SGCZ: variants seen among roughly 807,000 people sequenced by gnomAD.
SGCZ encodes sarcoglycan zeta.
A neutral mutation model predicts 41.3 loss-of-function variants in SGCZ; 40 were observed. The observed-to-expected ratio is 0.97, with a 90% CI of 0.75 to 1.26. The LOEUF (loss-of-function observed/expected upper bound fraction) is 1.26, where lower values mean the gene tolerates loss of function less well. SGCZ is among the 50% of genes most tolerant of loss of function. SGCZ has a pLI of 0.00. For synonymous variants in SGCZ, 206 were observed against 137.5 expected (o/e 1.50, Z -3.49); for missense variants, 552 against 369.8 (o/e 1.49, Z -4.04).
intron 4 of SGCZ, among the ~76,000 whole-genome samples, chr8:14,189,873 T>C (rs531759608): frequency 2.0e-5 from 3 of 152,344 alleles, no homozygotes; most frequent in African/African-American, 7.2e-5. Flanking sequence ...GTGATTAAAA[T>C]GTTTCTAACC....
intron 1 of SGCZ, among the ~76,000 whole-genome samples, chr8:15,029,665 A>C (rs530996178): frequency 3.3e-5 from 5 of 152,228 alleles, no homozygotes; most frequent in Admixed American, 1.3e-4. Context: ...CCAATCCAGA[A>C]ATCCCTTGTC....
chr8:14,112,325 T>C (rs13275402), intron 5 of SGCZ, among the ~76,000 whole-genome samples: 50,321 of 148,800 alleles, frequency 0.34, 11,037 homozygotes, highest in Non-Finnish European at 0.49. Context: ...TATGTAGATA[T>C]CAACATGATG....
intron 1 of SGCZ, among the ~76,000 whole-genome samples, chr8:14,991,609 C>T (rs1227423802): frequency 1.3e-5 from 2 of 152,112 alleles, no homozygotes; most frequent in African/African-American, 4.8e-5. Flanking sequence ...GTTTCTACTC[C>T]CCATATCTGG....
rs540599022 is a variant in SGCZ, at chr8:14,295,291, A to G, written c.336+28812T>C. ...AAGATTACTGATGAATGCAAGATGG[A>G]TGAATCTCAGAACTCACTGTAGTAG... On this transcript the variant is annotated intron_variant, in intron 3 of 7. Transcript: ENST00000382080. 1.5e-3 allele frequency among the ~76,000 whole-genome samples: 221 copies of G among 152,284 alleles called. 2 individuals are homozygous for G. Among genetic ancestry groups the G allele is most frequent in the African/African-American group, 5.2e-3 (215 of 41,578 alleles).
At chr8:15,125,808 T>G (rs147351112) in intron 1 of SGCZ, among the ~76,000 whole-genome samples, 7 of 152,272 alleles carry the variant, frequency 4.6e-5, no homozygotes, top group African/African-American at 1.4e-4. Context: ...TTCCATAAAC[T>G]TTTACAAGTT....
intron 5 of SGCZ, 103 bp downstream of exon 5, chr8:14,164,477 C>G (rs758668941): frequency 1.6e-5 from 22 of 1,387,930 alleles, no homozygotes; most frequent in Admixed American, 5.9e-5. Context: ...ATGTAAGACT[C>G]TACTTTAGGC....
chr8:14,223,148 G>A (rs972669811), intron 4 of SGCZ, among the ~76,000 whole-genome samples: 6 of 151,822 alleles, frequency 4.0e-5, no homozygotes, highest in Non-Finnish European at 4.4e-5. Context: ...ATCTTACATC[G>A]AATTATCACA....
In SGCZ at chr8:14,311,203, C is replaced by A. The variant is rs1801530346; in HGVS notation, c.336+12900G>T. 2.0e-5 allele frequency among the ~76,000 whole-genome samples: 3 copies of A among 151,986 alleles called. No homozygotes were observed. The South Asian group carries it at 6.2e-4, about 31-fold the overall frequency. On this transcript the variant is annotated intron_variant, in intron 3 of 7. Transcript: ENST00000382080. ...ATGCACAGTAATTTAGTGTAGAGGA[C>A]CTGATTTCATTTTAAAATATTGTCA... is the stretch of plus-strand genomic sequence containing the variant.
At chr8:14,308,950 T>C (rs914813076) in intron 3 of SGCZ, 3 of 625,570 alleles carry the variant, frequency 4.8e-6, no homozygotes, top group Non-Finnish European at 8.6e-6. Context: ...TGTAAGCTGA[T>C]TGGCACTTCA....
intron 1 of SGCZ, among the ~76,000 whole-genome samples, chr8:14,982,301 C>T (rs1210969919): frequency 2.0e-5 from 3 of 152,116 alleles, no homozygotes; most frequent in East Asian, 1.9e-4. Context: ...TTGCCAAGTC[C>T]GTGGAGTTCA....
At chr8:14,518,017 T>A (rs576094349) in intron 2 of SGCZ, among the ~76,000 whole-genome samples, 2 of 151,898 alleles carry the variant, frequency 1.3e-5, no homozygotes, top group East Asian at 3.9e-4. Flanking sequence ...TTGATTTTTT[T>A]ATATTATATA....
chr8:15,115,794 G>T (rs770343254), intron 1 of SGCZ, among the ~76,000 whole-genome samples: 22 of 152,104 alleles, frequency 1.4e-4, no homozygotes, highest in Non-Finnish European at 2.8e-4. Flanking sequence ...TGTGTAAGAA[G>T]GTTTATTCAA....
intron 2 of SGCZ, among the ~76,000 whole-genome samples, chr8:14,448,306 G>A (rs961361393): frequency 2.0e-5 from 3 of 152,114 alleles, no homozygotes; most frequent in East Asian, 3.9e-4. Context: ...GAACTGCATG[G>A]CAGAAACTTT....
intron 7 of SGCZ, among the ~76,000 whole-genome samples, chr8:14,100,804 T>A (rs1033254604): frequency 5.3e-5 from 8 of 151,824 alleles, no homozygotes; most frequent in African/African-American, 1.9e-4. Flanking sequence ...TGTATTAAAT[T>A]ATGACCTCAT....
intron 2 of SGCZ, among the ~76,000 whole-genome samples, chr8:14,477,156 T>C (rs1162811328): frequency 6.6e-6 from 1 of 152,182 alleles, no homozygotes; most frequent in Non-Finnish European, 1.5e-5. Context: ...TTTACAGTAA[T>C]AGATTATAAA....
chr8:14,679,965 T>C (rs1192733472), intron 1 of SGCZ, among the ~76,000 whole-genome samples: 1 of 152,144 alleles, frequency 6.6e-6, no homozygotes. Context: ...AACAGTAAAA[T>C]GGTTTACAGG....
chr8:15,103,667 T>C (rs1272527269), intron 1 of SGCZ, among the ~76,000 whole-genome samples: 1 of 151,984 alleles, frequency 6.6e-6, no homozygotes, highest in Non-Finnish European at 1.5e-5. Context: ...TCAACAGAGT[T>C]GAAATTAAGG....
At chr8:14,966,104 G>C (rs1170225924) in intron 1 of SGCZ, among the ~76,000 whole-genome samples, 2 of 151,758 alleles carry the variant, frequency 1.3e-5, no homozygotes, top group Non-Finnish European at 2.9e-5. Flanking sequence ...CACCTGAAAA[G>C]CTATAAGAAA....
intron 3 of SGCZ, among the ~76,000 whole-genome samples, chr8:14,257,349 G>GA (rs1213626132): frequency 5.2e-4 from 61 of 117,268 alleles, no homozygotes; most frequent in Middle Eastern, 4.3e-3. Context: ...CCTGTCTCCA[G>GA]AAAAAAAAAA....
Sources: gnomAD v4.1 joint callset for allele counts (sites outside exome capture counted in the v4.1 genomes callset) on GRCh38, gnomAD v4.1.1 for gene constraint, MANE v1.5 for transcripts, NCBI Gene and HGNC (gene_info 2026-07-23, HGNC 2026-07-21) for gene names.